Variants in CELF2 observed in about 807,000 individuals in gnomAD.
CELF2 encodes CUG triplet repeat RNA-binding protein 2.
In CELF2, 8 loss-of-function variants were observed where a neutral mutation model predicts 62.6. The observed-to-expected ratio is 0.13, with a 90% CI of 0.07 to 0.23. The LOEUF (loss-of-function observed/expected upper bound fraction) is 0.23, where lower values mean the gene tolerates loss of function less well. Among genes scored for constraint, CELF2 ranks in the 10% least tolerant of loss-of-function variants. The pLI is 1.00. For missense variants in CELF2, 333 were observed against 671.0 expected (o/e 0.50, Z 5.56); for synonymous variants, 258 against 250.0 (o/e 1.03, Z -0.30).
chr10:10,497,191 T>TAA, the CELF2 span, among the ~76,000 whole-genome samples: 5 of 94,162 alleles, frequency 5.3e-5, 1 homozygote, highest in Admixed American at 3.6e-4. Flanking sequence ...AGACTCCATC[T>TAA]AAAAAAAAAA....
intron 2 of CELF2, chr10:10,946,040 G>A (rs370385081): frequency 3.3e-5 from 5 of 152,696 alleles, no homozygotes; most frequent in East Asian, 3.9e-4. Context: ...CAAAGTAGAG[G>A]GGAACAGGTG....
chr10:10,732,469 G>A, the CELF2 span, among the ~76,000 whole-genome samples: 5 of 149,188 alleles, frequency 3.4e-5, no homozygotes, highest in South Asian at 8.5e-4. Flanking sequence ...CAGAGTGGAT[G>A]TTCACTTTGC....
At chr10:11,226,897 T>G (rs1008975884) in intron 3 of CELF2, among the ~76,000 whole-genome samples, 3 of 152,236 alleles carry the variant, frequency 2.0e-5, no homozygotes, top group African/African-American at 4.8e-5. Flanking sequence ...TTCAGCAGCA[T>G]CATCGCATTG....
In CELF2 at chr10:11,278,856, G is replaced by A. The variant is rs893012691; in HGVS notation, c.841+3736G>A. On this transcript the variant is annotated intron_variant, in intron 8 of 12. Transcript: ENST00000633077. ...CTCTAAGTTAGCCCACCGCATGGCC[G>A]GGCAACTGAGGCTTAGAGAGATGAG... is the stretch of plus-strand genomic sequence containing the variant. 1.2e-4 allele frequency among the ~76,000 whole-genome samples: 18 copies of A among 152,290 alleles called. 1 individual carries two copies. In the South Asian group the frequency reaches 2.7e-3, roughly 23 times the overall value.
chr10:10,653,874 G>A, the CELF2 span, among the ~76,000 whole-genome samples: 2 of 151,300 alleles, frequency 1.3e-5, no homozygotes, highest in Non-Finnish European at 2.9e-5. Context: ...AATCAGAGCA[G>A]AATTGAAGGA....
rs2135686061 is a variant in CELF2, at chr10:11,211,411, G to A, written c.272-6014G>A. ...AGGAAGTTTCTTTAATGAGTATGGT[G>A]TCAGTTTTCTTAAGGGCAGAATGAG... On this transcript the variant is annotated intron_variant, in intron 2 of 12. Transcript: ENST00000633077. This position sits in a 1 kb window ranked among gnomAD's most constrained non-coding sequence, Gnocchi z 4.8. Among the ~76,000 whole-genome samples the A allele has an allele frequency of 6.6e-6, 1 of 152,310 alleles. No individual in the cohort carries two copies. Among genetic ancestry groups the A allele is most frequent in the South Asian group, 2.1e-4 (1 of 4,830 alleles).
At chr10:10,586,484 A>T in the CELF2 span, among the ~76,000 whole-genome samples, 1 of 152,154 alleles carries the variant, frequency 6.6e-6, no homozygotes, top group Non-Finnish European at 1.5e-5. Flanking sequence ...ACATCCTACA[A>T]TTAATGTCAT....
At chr10:10,780,626 G>A in the CELF2 span, among the ~76,000 whole-genome samples, 17 of 152,164 alleles carry the variant, frequency 1.1e-4, no homozygotes, top group Admixed American at 2.6e-4. Context: ...GATTACAGGC[G>A]CCTGCTACCG....
chr10:11,219,283 C>T (rs10159751), intron 3 of CELF2, among the ~76,000 whole-genome samples: 6,740 of 152,240 alleles, frequency 0.044, 470 homozygotes, highest in African/African-American at 0.15. Flanking sequence ...TGCATGAAAG[C>T]GACTTATGAG....
At chr10:11,058,469 T>G (rs1291835) in intron 1 of CELF2, among the ~76,000 whole-genome samples, 14,119 of 101,210 alleles carry the variant, frequency 0.14, 873 homozygotes, top group African/African-American at 0.23. Context: ...TGGTTTTTTT[T>G]TTTTTTTTTT....
intron 2 of CELF2, among the ~76,000 whole-genome samples, chr10:11,200,599 C>G (rs532181161): frequency 2.0e-5 from 3 of 152,308 alleles, no homozygotes; most frequent in African/African-American, 7.2e-5. Context: ...GAACATGGTG[C>G]AGGGTCTCCC....
chr10:10,762,929 A>G, the CELF2 span, among the ~76,000 whole-genome samples: 1 of 152,110 alleles, frequency 6.6e-6, no homozygotes, highest in African/African-American at 2.4e-5. Flanking sequence ...ACAGAGCAAG[A>G]CTCTGTCTCT....
At chr10:11,292,713 C>T (rs766970303) in intron 9 of CELF2, among the ~76,000 whole-genome samples, 1 of 152,216 alleles carries the variant, frequency 6.6e-6, no homozygotes, top group African/African-American at 2.4e-5. Flanking sequence ...AGTGGTCCCA[C>T]ATCCTCAGAG....
upstream of CELF2, among the ~76,000 whole-genome samples, chr10:10,796,600 G>A (rs1370811241): frequency 1.3e-5 from 2 of 152,104 alleles, no homozygotes; most frequent in African/African-American, 4.8e-5. Flanking sequence ...CTGGTGCCGT[G>A]GGCTAAGGAT....
In CELF2 at chr10:11,217,637, C is replaced by T; in HGVS notation, c.354+130C>T. On this transcript the variant is annotated intron_variant, in intron 3 of 12. Coordinates refer to ENST00000633077, the MANE Select transcript of CELF2 (RefSeq NM_001326342.2). The surrounding 1 kb of genome is among the most constrained non-coding windows in gnomAD (Gnocchi z 5.6). ...CTTTTGAGGAGTGTGTGCTGACCCC[C>T]CAGTTCCCTGCAGCAGCCACACCAG... is the stretch of plus-strand genomic sequence containing the variant. The T allele has an allele frequency of 1.7e-6, 1 of 594,304 alleles. No homozygotes were observed. The highest frequency in any genetic ancestry group is 2.9e-6 in the Non-Finnish European group (1 of 342,108). 36.8% of individuals were successfully genotyped at this position (594,304 alleles called of 1,614,324 possible).
At chr10:10,908,211 G>A (rs2063499077) in intron 1 of CELF2, among the ~76,000 whole-genome samples, 1 of 38,260 alleles carries the variant, frequency 2.6e-5, no homozygotes, top group Non-Finnish European at 4.9e-5. Context: ...AATGTATGAG[G>A]GGATTTTTTT....
the CELF2 span, among the ~76,000 whole-genome samples, chr10:10,488,281 T>C: frequency 6.6e-6 from 1 of 152,250 alleles, no homozygotes; most frequent in Middle Eastern, 3.4e-3. Flanking sequence ...GTGAAAGAGT[T>C]GAAAACATGA....
At chr10:10,893,174 C>T (rs1364225943) in intron 1 of CELF2, among the ~76,000 whole-genome samples, 1 of 152,174 alleles carries the variant, frequency 6.6e-6, no homozygotes, top group Non-Finnish European at 1.5e-5. Flanking sequence ...CAGTCAATAA[C>T]ATTCTTCTTT....
the CELF2 span, among the ~76,000 whole-genome samples, chr10:10,702,235 G>T: frequency 6.6e-6 from 1 of 152,138 alleles, no homozygotes. Flanking sequence ...TGGGGAGAAG[G>T]GGGAAACAGC....
Sources: allele counts gnomAD v4.1 joint callset (sites outside exome capture counted in the v4.1 genomes callset), GRCh38; gene constraint gnomAD v4.1.1; non-coding constraint Gnocchi (gnomAD v3.1); transcripts MANE v1.5; gene names NCBI Gene and HGNC (gene_info 2026-07-23, HGNC 2026-07-21).